DPP6: variants seen among roughly 807,000 people sequenced by gnomAD.
DPP6 encodes A-type potassium channel modulatory protein DPP6.
Under a neutral mutation model 122.6 loss-of-function variants are expected in DPP6, and 69 were observed. The ratio of observed to expected loss-of-function variants is 0.56; its 90% CI spans 0.46 to 0.69. The LOEUF (loss-of-function observed/expected upper bound fraction) is 0.69, where lower values mean the gene tolerates loss of function less well. DPP6 is among the 30% of genes least tolerant of loss of function. DPP6 has a pLI of 0.00. For synonymous variants in DPP6, 418 were observed against 433.1 expected (o/e 0.97, Z 0.43); for missense variants, 928 against 1,116.9 (o/e 0.83, Z 2.41).
chr7:153,955,113 A>G (rs1167098150), intron 1 of DPP6, among the ~76,000 whole-genome samples: 1 of 152,218 alleles, frequency 6.6e-6, no homozygotes, highest in African/African-American at 2.4e-5. Flanking sequence ...ACAGGGCATC[A>G]TCAAGTTCTG....
chr7:154,044,070 G>C (rs1799900015), intron 1 of DPP6, among the ~76,000 whole-genome samples: 1 of 151,826 alleles, frequency 6.6e-6, no homozygotes, highest in Non-Finnish European at 1.5e-5. Flanking sequence ...AGTCACTGTT[G>C]TTGCTGCTGT....
intron 1 of DPP6, among the ~76,000 whole-genome samples, chr7:154,425,621 G>GGGGTGTGT (rs1554545601): frequency 1.6e-5 from 2 of 121,460 alleles, no homozygotes; most frequent in African/African-American, 8.4e-5. Flanking sequence ...TGTGTGTGTG[G>GGGGTGTGT]GTGTGTGTGT....
At chr7:154,773,109 G>A (rs1796344655) in intron 10 of DPP6, among the ~76,000 whole-genome samples, 167 bp downstream of exon 10, 1 of 152,114 alleles carries the variant, frequency 6.6e-6, no homozygotes, top group African/African-American at 2.4e-5. Context: ...CATTTTCTAG[G>A]AAAAGAATAC....
intron 1 of DPP6, among the ~76,000 whole-genome samples, chr7:154,428,917 T>TG (rs1188108782): frequency 6.6e-6 from 1 of 152,124 alleles, no homozygotes; most frequent in Non-Finnish European, 1.5e-5. Context: ...GTTAAGATGA[T>TG]GGGTGCACTA....
Position 154,448,806 on chromosome 7 carries a change from C to G in DPP6, c.358+2478C>G, listed in dbSNP as rs541379020. Among the ~76,000 whole-genome samples, 5 of 152,178 alleles carry G rather than the reference C, an allele frequency of 3.3e-5. No individual in the cohort carries two copies. The South Asian group carries it at 1.0e-3, about 32-fold the overall frequency. Reference sequence around the variant, plus strand: ...TATTTTTTGACAAGGGAGTCAAGACCATTCAATGAGGAAAGAATAGTCTTT... The same window carrying G: ...TATTTTTTGACAAGGGAGTCAAGACGATTCAATGAGGAAAGAATAGTCTTT... On this transcript the variant is annotated intron_variant, in intron 2 of 25. Transcript: ENST00000377770.
chr7:153,808,369 ATGTGTGCCTG>A, the DPP6 span, among the ~76,000 whole-genome samples: 1 of 132,850 alleles, frequency 7.5e-6, no homozygotes. Flanking sequence ...GCATGCCTGT[ATGTGTGCCTG>A]TGTGTGCGTG....
chr7:153,826,553 T>C, the DPP6 span, among the ~76,000 whole-genome samples: 1 of 152,250 alleles, frequency 6.6e-6, no homozygotes, highest in Non-Finnish European at 1.5e-5. Context: ...TCTGAAAAAC[T>C]GTATTTATGT....
intron 1 of DPP6, among the ~76,000 whole-genome samples, chr7:154,420,639 C>T (rs1045403680): frequency 9.2e-5 from 14 of 152,052 alleles, no homozygotes; most frequent in Admixed American, 3.9e-4. Flanking sequence ...ATCTATTGCA[C>T]GGCATGGTAA....
At chr7:153,960,041 A>G (rs1795266925) in intron 1 of DPP6, among the ~76,000 whole-genome samples, 1 of 152,162 alleles carries the variant, frequency 6.6e-6, no homozygotes, top group Admixed American at 6.5e-5. Context: ...TTGCTTTTTG[A>G]AAAGAGTAAA....
chr7:153,769,961 A>G, the DPP6 span, among the ~76,000 whole-genome samples: 1 of 152,156 alleles, frequency 6.6e-6, no homozygotes, highest in Non-Finnish European at 1.5e-5. Flanking sequence ...GGCTGCTTCT[A>G]TGCGGAGAAG....
At chr7:154,078,946 C>CAAAAAA (rs67950621) in intron 1 of DPP6, among the ~76,000 whole-genome samples, 1 of 112,602 alleles carries the variant, frequency 8.9e-6, no homozygotes, top group Non-Finnish European at 1.8e-5. Flanking sequence ...CATTCTTTTC[C>CAAAAAA]AAAAAAAAAA....
intron 12 of DPP6, 135 bp from the exon 13 acceptor site, chr7:154,801,220 C>A: frequency 1.6e-6 from 2 of 1,253,816 alleles, no homozygotes; most frequent in Non-Finnish European, 2.2e-6. Flanking sequence ...CCTCATCAAG[C>A]ACTTATTATT....
At chr7:154,401,093 A>T (rs912069196) in intron 1 of DPP6, among the ~76,000 whole-genome samples, 19 of 151,918 alleles carry the variant, frequency 1.3e-4, no homozygotes, top group African/African-American at 4.4e-4. Context: ...GCTACTCGGG[A>T]GGCTGAGGCA....
rs757829988 is a variant in DPP6, at chr7:154,769,543, C to G, written c.1010C>G (p.Pro337Arg). ...ELPTYTGSIYPTVKPYHYPKA... is the reference protein window; with the variant it reads ...ELPTYTGSIYRTVKPYHYPKA... ...CCAACTTACACCGGCTCCATCTACC[C>G]CACCGTGAAGCCCTACCACTATCCC... The change falls in exon 9 of 26, where the codon CCC (proline) becomes CGC (arginine). Residue 337 changes from proline to arginine, a missense_variant. Pro to Arg is a moderately radical substitution (Grantham distance 103, BLOSUM62 -2). Transcript: ENST00000377770. The G allele has an allele frequency of 3.7e-6, 6 of 1,611,676 alleles. No homozygotes were observed. In the Admixed American group the frequency reaches 5.0e-5, roughly 13 times the overall value.
intron 1 of DPP6, among the ~76,000 whole-genome samples, chr7:153,926,005 T>C (rs1410470194): frequency 2.0e-5 from 3 of 152,152 alleles, no homozygotes; most frequent in Non-Finnish European, 4.4e-5. Context: ...CTGTAGTTCC[T>C]CAGGGACACT....
At chr7:154,156,120 A>G (rs1025518735) in intron 1 of DPP6, among the ~76,000 whole-genome samples, 1 of 152,224 alleles carries the variant, frequency 6.6e-6, no homozygotes, top group South Asian at 2.1e-4. Flanking sequence ...GCATGAGTCA[A>G]CCAGATGCCC....
At chr7:154,710,232 T>G (rs1399521536) in intron 7 of DPP6, among the ~76,000 whole-genome samples, 1 of 152,210 alleles carries the variant, frequency 6.6e-6, no homozygotes, top group Non-Finnish European at 1.5e-5. Flanking sequence ...CCACCAGGAA[T>G]GTGCACGAGG....
At position 154,009,091 on chromosome 7, in the gene DPP6, A is replaced by G. The variant is rs1169542091; in HGVS notation, c.51+121357A>G. Among the ~76,000 whole-genome samples the G allele has an allele frequency of 4.6e-3, 479 of 104,438 alleles. 5 individuals are homozygous for G. The highest frequency in any genetic ancestry group is 0.018 in the African/African-American group (461 of 25,984). 68.5% of individuals were successfully genotyped at this position (104,438 alleles called of 152,430 possible). ...GTTTCCAAGCAAGTTTTGCTCCACTATAAGTTGATGAGGACCTTTTTTTTT... is the reference window on the plus strand; with the variant it reads ...GTTTCCAAGCAAGTTTTGCTCCACTGTAAGTTGATGAGGACCTTTTTTTTT... On this transcript the variant is annotated intron_variant, in intron 1 of 25. Coordinates refer to the DPP6 transcript ENST00000404039.
chr7:153,885,015 T>TAC, upstream of DPP6, among the ~76,000 whole-genome samples: 1 of 146,490 alleles, frequency 6.8e-6, no homozygotes, highest in Non-Finnish European at 1.5e-5. Flanking sequence ...TATATATATA[T>TAC]ATATATGTTT....
Sources: gnomAD v4.1 joint callset for allele counts (sites outside exome capture counted in the v4.1 genomes callset) on GRCh38, gnomAD v4.1.1 for gene constraint, MANE v1.5 for transcripts, NCBI Gene and HGNC (gene_info 2026-07-23, HGNC 2026-07-21) for gene names.